The following DLEC1 variants were observed in gnomAD, a reference collection of about 807,000 sequenced individuals.
DLEC1 encodes DLEC1 cilia and flagella associated protein.
Under a neutral mutation model 198.1 loss-of-function variants are expected in DLEC1, and 146 were observed. That is an observed-to-expected ratio of 0.74 (90% CI 0.64 to 0.85). DLEC1 has a LOEUF of 0.85. DLEC1 is among the 40% of genes least tolerant of loss of function. The pLI is 0.00. For missense variants in DLEC1, 2,233 were observed against 2,220.0 expected, an observed-to-expected ratio of 1.01 and a Z score of -0.12; for synonymous variants, 897 against 866.8, an observed-to-expected ratio of 1.03 and a Z score of -0.61.
intron 7 of DLEC1, among the ~76,000 whole-genome samples, chr3:38,084,575 A>G (rs938917173): frequency 0.26 from 51 of 196 alleles, no homozygotes; most frequent in Non-Finnish European, 0.34. Context: ...TAGTAGTAGT[A>G]GTGGGGGGGT....
At position 38,111,752 on chromosome 3, in the gene DLEC1, G is replaced by A. The variant is rs775979059; in HGVS notation, c.3514+5G>A. On this transcript the variant is annotated splice_donor_5th_base_variant and intron_variant, in intron 24 of 36. Coordinates refer to ENST00000308059, the MANE Select transcript of DLEC1 (RefSeq NM_007335.4). ...TGGCCAAGCGAGAGCAGCTGGGTAAGCGCCACCAGGGTGGGGCTTCGGGGC... is the reference window on the plus strand; with the variant it reads ...TGGCCAAGCGAGAGCAGCTGGGTAAACGCCACCAGGGTGGGGCTTCGGGGC... 1 of 1,610,420 alleles carries A rather than the reference G, an allele frequency of 6.2e-7. No homozygotes were observed. The highest frequency in any genetic ancestry group is 2.2e-5 in the East Asian group (1 of 44,860).
intron 25 of DLEC1, among the ~76,000 whole-genome samples, 178 bp from the exon 26 acceptor site, chr3:38,114,164 C>A (rs1386551109): frequency 6.6e-6 from 1 of 151,372 alleles, no homozygotes; most frequent in African/African-American, 2.4e-5. Flanking sequence ...TGCAGGCTGC[C>A]TGGCTGGGAG....
intron 9 of DLEC1, 32 bp from the exon 10 acceptor site, chr3:38,088,264 C>A (rs765363206): frequency 6.3e-7 from 1 of 1,582,828 alleles, no homozygotes; most frequent in African/African-American, 1.3e-5. Context: ...ACAATGTCTT[C>A]CACACTGTTG....
intron 7 of DLEC1, among the ~76,000 whole-genome samples, chr3:38,084,512 A>G (rs796611083): frequency 3.3e-4 from 10 of 30,238 alleles, no homozygotes; most frequent in South Asian, 1.7e-3. Context: ...TGGTAGTAGT[A>G]GTAGTGGTAG....
At chr3:38,051,117 T>C (rs1559394993) in intron 2 of DLEC1, among the ~76,000 whole-genome samples, 1 of 152,140 alleles carries the variant, frequency 6.6e-6, no homozygotes, top group Non-Finnish European at 1.5e-5. Flanking sequence ...CCCAGGCTGG[T>C]CTTGAACTCC....
rs1037473678 is a variant in DLEC1, at chr3:38,117,235, C to T, written c.4333C>T (p.His1445Tyr). The T allele has an allele frequency of 5.0e-6, 8 of 1,614,044 alleles. No individual in the cohort carries two copies. Among genetic ancestry groups the T allele is most frequent in the Non-Finnish European group, 6.8e-6 (8 of 1,180,016 alleles). The change falls in exon 31 of 37, where the codon CAT becomes TAT. Residue 1445 changes from histidine (H) to tyrosine (Y), a missense_variant. His to Tyr is a moderately conservative substitution (Grantham distance 83). Coordinates refer to ENST00000308059, the MANE Select transcript of DLEC1 (RefSeq NM_007335.4). ...GGAAAGGGAGATTCCAGGGAAGAGGCATCGCCTGCAGGACTTTGCGGTGGG... is the reference window on the plus strand; with the variant it reads ...GGAAAGGGAGATTCCAGGGAAGAGGTATCGCCTGCAGGACTTTGCGGTGGG... ...KVEREIPGKR[H>Y]RLQDFAVGPL... is the part of the protein sequence containing the mutation.
intron 2 of DLEC1, among the ~76,000 whole-genome samples, chr3:38,049,652 G>A (rs934348004): frequency 1.2e-4 from 18 of 152,290 alleles, no homozygotes; most frequent in East Asian, 1.9e-4. Flanking sequence ...TCCAAGGCTC[G>A]GGGTACATGC....
In DLEC1 at chr3:38,085,277, T is replaced by A; in HGVS notation, c.1265T>A (p.Met422Lys). 6.2e-7 allele frequency: 1 copy of A among 1,614,110 alleles called. No individual in the cohort carries two copies. Among genetic ancestry groups the A allele is most frequent in the Non-Finnish European group, 8.5e-7 (1 of 1,180,008 alleles). Reference sequence around the variant, plus strand: ...TTGTCACTTTTGTCATGCACAGGGATGTTCCCAGGAAAAGGTGGAATGGTG... The same window carrying A: ...TTGTCACTTTTGTCATGCACAGGGAAGTTCCCAGGAAAAGGTGGAATGGTG... ...STPYFALGLGMFPGKGGMVAP... is the reference protein window; with the variant it reads ...STPYFALGLGKFPGKGGMVAP... The change falls in exon 8 of 37, where the codon ATG becomes AAG. Residue 422 changes from methionine to lysine, a missense_variant. Physicochemically the swap from Met to Lys is moderately conservative, Grantham distance 95. Coordinates refer to ENST00000308059, the MANE Select transcript of DLEC1 (RefSeq NM_007335.4).
At chr3:38,094,460 A>T (rs975352195) in intron 12 of DLEC1, among the ~76,000 whole-genome samples, 2 of 152,204 alleles carry the variant, frequency 1.3e-5, no homozygotes, top group Admixed American at 6.5e-5. Flanking sequence ...CCATAACAGG[A>T]AAGGCAGAGG....
At chr3:38,095,134 G>C in intron 13 of DLEC1, 63 bp downstream of exon 13, 6 of 1,577,304 alleles carry the variant, frequency 3.8e-6, no homozygotes, top group Non-Finnish European at 5.2e-6. Context: ...CCCCCCACCT[G>C]TGTTCCTCAA....
chr3:38,100,356 C>T lies in DLEC1; in HGVS notation c.2795C>T (p.Thr932Ile), dbSNP rs1468339262. Reference sequence around the variant, plus strand: ...CTGGGGGAGTGCAGGGTGGACATCACCTTGGAGGCCCTGCACTGCCAGCAT... The same window carrying T: ...CTGGGGGAGTGCAGGGTGGACATCATCTTGGAGGCCCTGCACTGCCAGCAT... ...HSLGECRVDI[T>I]LEALHCQHLE... Residue 932 changes from threonine to isoleucine, a missense_variant, in exon 19 of 37, where the codon ACC (threonine) becomes ATC (isoleucine). Thr to Ile is a moderately conservative substitution (Grantham distance 89, BLOSUM62 -1). Coordinates refer to ENST00000308059, the MANE Select transcript of DLEC1 (RefSeq NM_007335.4). 1 of 1,614,012 alleles carries T rather than the reference C, an allele frequency of 6.2e-7. No individual in the cohort carries two copies. Among genetic ancestry groups the T allele is most frequent in the South Asian group, 1.1e-5 (1 of 91,068 alleles).
Position 38,114,420 on chromosome 3 carries a change from T to C in DLEC1, c.3745T>C (p.Ser1249Pro), listed in dbSNP as rs1338693486. The C allele has an allele frequency of 1.2e-6, 2 of 1,614,094 alleles. No homozygotes were observed. Among genetic ancestry groups the C allele is most frequent in the African/African-American group, 2.7e-5 (2 of 75,010 alleles). Residue 1249 changes from serine (S) to proline (P), a missense_variant, in exon 26 of 37, where the codon TCC becomes CCC. Transcript: ENST00000308059. ...GCPISSLRTTSYTIDQAQKEP... is the reference protein window; with the variant it reads ...GCPISSLRTTPYTIDQAQKEP... ...CCCCATCAGCTCCCTGAGGACCACCTCCTACACTATTGACCAGGCCCAGAA... is the reference window on the plus strand; with the variant it reads ...CCCCATCAGCTCCCTGAGGACCACCCCCTACACTATTGACCAGGCCCAGAA...
chr3:38,111,763 G>A lies in DLEC1; in HGVS notation c.3514+16G>A. On this transcript the variant is annotated intron_variant, in intron 24 of 36. Transcript: ENST00000308059. Reference sequence around the variant, plus strand: ...GAGCAGCTGGGTAAGCGCCACCAGGGTGGGGCTTCGGGGCCCAGGCCACGG... The same window carrying A: ...GAGCAGCTGGGTAAGCGCCACCAGGATGGGGCTTCGGGGCCCAGGCCACGG... 6.2e-7 allele frequency: 1 copy of A among 1,607,720 alleles called. No individual in the cohort carries two copies. The highest frequency in any genetic ancestry group is 8.5e-7 in the Non-Finnish European group (1 of 1,179,338).
chr3:38,118,305 TAG>T (rs1700292313), intron 33 of DLEC1, among the ~76,000 whole-genome samples: 1 of 152,166 alleles, frequency 6.6e-6, no homozygotes, highest in Admixed American at 6.5e-5. Flanking sequence ...CTTTCCCTCT[TAG>T]TCCCCACTGC....
chr3:38,106,513 T>C (rs1433905755), intron 19 of DLEC1, among the ~76,000 whole-genome samples: 1 of 152,166 alleles, frequency 6.6e-6, no homozygotes, highest in East Asian at 1.9e-4. Context: ...CCCAGCACTT[T>C]GGGAGGCCAA....
intron 12 of DLEC1, 60 bp from the exon 13 acceptor site, chr3:38,094,819 G>A (rs1698924192): frequency 3.2e-6 from 5 of 1,578,082 alleles, no homozygotes. Context: ...GGAGGCATGG[G>A]GTGGAGGGAC....
chr3:38,079,484 C>G (rs1697837190), intron 6 of DLEC1, among the ~76,000 whole-genome samples: 1 of 152,148 alleles, frequency 6.6e-6, no homozygotes, highest in Non-Finnish European at 1.5e-5. Context: ...TTACCCAAAG[C>G]TCGGTGTCCG....
chr3:38,116,426 T>C (rs1372618051), intron 27 of DLEC1, 27 bp from the exon 28 acceptor site: 2 of 1,613,286 alleles, frequency 1.2e-6, no homozygotes, highest in Non-Finnish European at 1.7e-6. Flanking sequence ...CCCTTATTCC[T>C]CACCCTGCTC....
At chr3:38,042,712 C>T (rs1234007779) in intron 1 of DLEC1, among the ~76,000 whole-genome samples, 3 of 152,074 alleles carry the variant, frequency 2.0e-5, no homozygotes, top group Non-Finnish European at 2.9e-5. Context: ...CACACCACCA[C>T]ACCAGGCTAA....
Sources: gnomAD v4.1 joint callset for allele counts (sites outside exome capture counted in the v4.1 genomes callset) on GRCh38, gnomAD v4.1.1 for gene constraint, MANE v1.5 for transcripts, NCBI Gene and HGNC (gene_info 2026-07-23, HGNC 2026-07-21) for gene names.